DAGLA: variants seen among roughly 807,000 people sequenced by gnomAD.
DAGLA encodes the protein diacylglycerol lipase-alpha.
Under a neutral mutation model 102.6 loss-of-function variants are expected in DAGLA, and 22 were observed. The observed-to-expected ratio is 0.21, with a 90% confidence interval of 0.15 to 0.31. DAGLA has a LOEUF of 0.31. DAGLA is among the 10% of genes least tolerant of loss of function. The pLI, the probability that DAGLA is intolerant of heterozygous loss-of-function variation, is 1.00. For missense variants in DAGLA, 927 were observed against 1,446.6 expected (o/e 0.64, Z 5.83); for synonymous variants, 578 against 628.9 (o/e 0.92, Z 1.21).
intron 16 of DAGLA, 66 bp from the exon 17 acceptor site, chr11:61,739,399 C>CT: frequency 6.6e-7 from 1 of 1,521,898 alleles, no homozygotes; most frequent in Non-Finnish European, 8.9e-7. Context: ...CTCGGTCCCC[C>CT]TGCCCCTGCC....
rs375664558 is a variant in DAGLA, at chr11:61,735,668, C to T, written c.1212+24C>T. ...AGGTACGCTGCCCATGGCTCCCAGC[C>T]CCCGGGGGTGCCTGCCTCCCTCTTC... On this transcript the variant is annotated intron_variant, in intron 11 of 19. Transcript: ENST00000257215. 3.1e-6 allele frequency: 5 copies of T among 1,613,160 alleles called. No individual in the cohort carries two copies. In the African/African-American group the frequency reaches 4.0e-5, roughly 13 times the overall value.
intron 1 of DAGLA, among the ~76,000 whole-genome samples, chr11:61,704,581 T>G (rs1299263252): frequency 6.7e-6 from 1 of 149,964 alleles, no homozygotes; most frequent in Non-Finnish European, 1.5e-5. Context: ...CTGGGGAGAG[T>G]GAGGGGTGGG....
chr11:61,721,755 G>A (rs2065285035), intron 3 of DAGLA, among the ~76,000 whole-genome samples: 1 of 152,254 alleles, frequency 6.6e-6, no homozygotes, highest in South Asian at 2.1e-4. Context: ...GTGCTTCTGT[G>A]CACTGGGCTA....
intron 19 of DAGLA, 68 bp downstream of exon 19, chr11:61,741,417 A>G (rs2065478949): frequency 6.6e-7 from 1 of 1,514,156 alleles, no homozygotes; most frequent in African/African-American, 1.4e-5. Flanking sequence ...ACTTGTGTGC[A>G]CATGCATTTT....
chr11:61,681,261 C>T (rs1208826987), intron 1 of DAGLA, among the ~76,000 whole-genome samples: 1 of 152,024 alleles, frequency 6.6e-6, no homozygotes, highest in Non-Finnish European at 1.5e-5. Context: ...AGGTTGGTGT[C>T]CTTTATAATG....
chr11:61,736,266 C>T lies in DAGLA; in HGVS notation c.1291-4C>T, dbSNP rs746163781. The T allele has an allele frequency of 8.1e-6, 13 of 1,613,654 alleles. 1 individual carries two copies. Among genetic ancestry groups the T allele is most frequent in the Middle Eastern group, 1.6e-4 (1 of 6,084 alleles). On this transcript the variant is annotated splice_region_variant and splice_polypyrimidine_tract_variant and intron_variant, in intron 12 of 19. Transcript: ENST00000257215. Reference sequence around the variant, plus strand: ...AACACCTGCTTCTGTTCCTGCCCACCCAGGGTATGGTCCTCTCAGCTGAGT... The same window carrying T: ...AACACCTGCTTCTGTTCCTGCCCACTCAGGGTATGGTCCTCTCAGCTGAGT...
rs1385428494 is a variant in DAGLA, at chr11:61,684,783, C to T, written c.-45+4279C>T. 1.3e-5 allele frequency among the ~76,000 whole-genome samples: 2 copies of T among 151,882 alleles called. No homozygotes were observed. The highest frequency in any genetic ancestry group is 2.4e-5 in the African/African-American group (1 of 41,334). The stretch of plus-strand genomic sequence containing the variant: ...CTGGTGGTGTGGGAGCGCGCAGGCT[C>T]CCGTGTCTGGCTGGCCTGGTGTTGG... On this transcript the variant is annotated intron_variant, in intron 1 of 19. Coordinates refer to ENST00000257215, the MANE Select transcript of DAGLA (RefSeq NM_006133.3). The surrounding 1 kb of genome is among the most constrained non-coding windows in gnomAD (Gnocchi z 4.5).
chr11:61,721,397 A>G (rs546655444), intron 3 of DAGLA, among the ~76,000 whole-genome samples: 1 of 152,310 alleles, frequency 6.6e-6, no homozygotes, highest in South Asian at 2.1e-4. Flanking sequence ...CCATCTCAAA[A>G]AAAAAGAAAA....
chr11:61,711,077 G>A (rs146530352), intron 1 of DAGLA, among the ~76,000 whole-genome samples: 4 of 152,302 alleles, frequency 2.6e-5, no homozygotes, highest in East Asian at 3.9e-4. Context: ...AGAGAGTCGC[G>A]TTCCCGGGAG....
rs1274695119 is a variant in DAGLA, at chr11:61,720,671, T to C, written c.96-8T>C. 1.9e-6 allele frequency: 3 copies of C among 1,612,982 alleles called. No individual in the cohort carries two copies. Among genetic ancestry groups the C allele is most frequent in the Non-Finnish European group, 2.5e-6 (3 of 1,179,742 alleles). ...CTGGCCTTGCTCACACGGGCGTTCC[T>C]GTGACAGGTTTGTGATCCTGTCCGT... On this transcript the variant is annotated splice_polypyrimidine_tract_variant and splice_region_variant and intron_variant, in intron 2 of 19. Transcript: ENST00000257215.
intron 1 of DAGLA, among the ~76,000 whole-genome samples, chr11:61,687,180 C>T (rs2064992124): frequency 1.3e-5 from 2 of 152,152 alleles, no homozygotes; most frequent in Admixed American, 1.3e-4. Flanking sequence ...GAGCTTGCAT[C>T]ACCTGCTCAG....
Position 61,746,462 on chromosome 11 carries a change from TG to T in DAGLA, c.*1974del, listed in dbSNP as rs928508405. ...GGTCCTGGGACCTCTAATGTGGGCA[TG>T]TCGTCCACCCCAGGACGAGCCATCA... On this transcript the variant is annotated 3_prime_UTR_variant, in exon 20 of 20. Transcript: ENST00000257215. 2.0e-5 allele frequency: 3 copies of T among 152,510 alleles called. No individual in the cohort carries two copies. Among genetic ancestry groups the T allele is most frequent in the African/African-American group, 7.2e-5 (3 of 41,454 alleles). 9.4% of individuals were successfully genotyped at this position (152,510 alleles called of 1,614,324 possible).
chr11:61,680,918 AG>A (rs1022417177), intron 1 of DAGLA, among the ~76,000 whole-genome samples: 6 of 151,958 alleles, frequency 3.9e-5, no homozygotes, highest in African/African-American at 1.5e-4. Context: ...CATGGGTGTG[AG>A]GAAGTGCTGC....
chr11:61,706,418 A>C (rs988693730), intron 1 of DAGLA, among the ~76,000 whole-genome samples: 2 of 152,140 alleles, frequency 1.3e-5, no homozygotes, highest in Non-Finnish European at 2.9e-5. Context: ...GAACATGTCG[A>C]GGTGCAAGTT....
intron 17 of DAGLA, 64 bp from the exon 18 acceptor site, chr11:61,740,399 C>A: frequency 6.4e-7 from 1 of 1,573,192 alleles, no homozygotes; most frequent in Non-Finnish European, 8.6e-7. Context: ...AGCCAGGAGG[C>A]CCTGGCACCG....
intron 1 of DAGLA, among the ~76,000 whole-genome samples, chr11:61,703,702 GAT>G (rs2065127774): frequency 6.6e-6 from 1 of 152,080 alleles, no homozygotes; most frequent in Non-Finnish European, 1.5e-5. Flanking sequence ...TGGATGGATG[GAT>G]GGATGGATGG....
At position 61,723,365 on chromosome 11, in the gene DAGLA, C is replaced by G; in HGVS notation, c.410-69C>G. The stretch of plus-strand genomic sequence containing the variant: ...GTTAGGGAGGCTCCAATGTCCCTTT[C>G]TTCAGAGCGGGTGAGCCAGAGAGGT... On this transcript the variant is annotated intron_variant, in intron 4 of 19. Coordinates refer to ENST00000257215, the MANE Select transcript of DAGLA (RefSeq NM_006133.3). The G allele has an allele frequency of 2.5e-6, 4 of 1,577,176 alleles. No homozygotes were observed. In the South Asian group the frequency reaches 3.4e-5, roughly 13 times the overall value.
chr11:61,732,187 C>T (rs1295622880), intron 9 of DAGLA, among the ~76,000 whole-genome samples: 1 of 152,202 alleles, frequency 6.6e-6, no homozygotes, highest in Admixed American at 6.5e-5. Context: ...CCTGGGCTCC[C>T]GTTCTGGAAA....
chr11:61,695,737 C>A (rs570400244), intron 1 of DAGLA, among the ~76,000 whole-genome samples: 1 of 152,330 alleles, frequency 6.6e-6, no homozygotes, highest in East Asian at 1.9e-4. Context: ...TGGCTTAAGT[C>A]TGCTCTCTAT....
Sources: allele counts gnomAD v4.1 joint callset (sites outside exome capture counted in the v4.1 genomes callset), GRCh38; gene constraint gnomAD v4.1.1; non-coding constraint Gnocchi (gnomAD v3.1); transcripts MANE v1.5; gene names NCBI Gene and HGNC (gene_info 2026-07-23, HGNC 2026-07-21).